Variants in UNKL observed in about 807,000 individuals in gnomAD.
UNKL encodes putative E3 ubiquitin-protein ligase UNKL.
UNKL carries 60 observed loss-of-function variants against 78.0 expected under a neutral mutation model. The ratio of observed to expected loss-of-function variants is 0.77; its 90% CI spans 0.63 to 0.95. The LOEUF is 0.95. Among genes scored for constraint, UNKL ranks in the 40% least tolerant of loss-of-function variants. The pLI is 0.00. For synonymous variants in UNKL, 608 were observed against 474.8 expected (o/e 1.28, Z -3.65); for missense variants, 1,159 against 1,045.7 (o/e 1.11, Z -1.49).
rs1422938584 is a variant in UNKL at position 1,399,084 on chromosome 16, C to A, written c.734+290G>T. The stretch of plus-strand genomic sequence containing the variant: ...GGGGCACACGGGGGTCCCAGCTGGG[C>A]TTGGGGTCCCTCCTGCAGTGCTCCG... On this transcript the variant is annotated intron_variant, in intron 5 of 14. Coordinates refer to ENST00000389221, the MANE Select transcript of UNKL (RefSeq NM_001372107.1). The surrounding 1 kb of genome is among the most constrained non-coding windows in gnomAD (Gnocchi z 5.8). The A allele has an allele frequency of 1.9e-5, 25 of 1,297,574 alleles. No individual in the cohort carries two copies. Among genetic ancestry groups the A allele is most frequent in the Middle Eastern group, 2.7e-4 (1 of 3,666 alleles). 80.4% of individuals were successfully genotyped at this position (1,297,574 alleles called of 1,614,324 possible).
intron 2 of UNKL, among the ~76,000 whole-genome samples, chr16:1,408,287 T>C (rs946654449): frequency 6.6e-6 from 1 of 151,830 alleles, no homozygotes; most frequent in African/African-American, 2.4e-5. Flanking sequence ...CCAGGACGGT[T>C]CCCACGGGGG....
At chr16:1,393,149 C>T (rs2037119516) in intron 7 of UNKL, among the ~76,000 whole-genome samples, 173 bp from the exon 8 acceptor site, 1 of 152,216 alleles carries the variant, frequency 6.6e-6, no homozygotes, top group Non-Finnish European at 1.5e-5. Context: ...GGCAACAGGA[C>T]CCTCTGGTCT....
chr16:1,408,353 T>C (rs144369981), intron 2 of UNKL: 1 of 150,372 alleles, frequency 6.7e-6, no homozygotes, highest in African/African-American at 2.5e-5. Context: ...CGGAGGGGCG[T>C]GTCGCGCGGA....
At position 1,414,648 on chromosome 16, in the gene UNKL, G is replaced by A. The variant is rs776243057; in HGVS notation, c.44C>T (p.Ser15Phe). ...SKAAAAALSGSPPQTEKPTHY... is the reference protein window; with the variant it reads ...SKAAAAALSGFPPQTEKPTHY... ...GGTCGGCTTCTCAGTCTGCGGGGGG[G>A]ACCCGCTCAGCGCCGCTGCCGCCGC... Residue 15 changes from serine (S) to phenylalanine (F), a missense_variant, in exon 1 of 15, where the codon TCC becomes TTC. By Grantham distance (155) the Ser-to-Phe change is radical (BLOSUM62 -2). Transcript: ENST00000389221. 16 of 1,141,456 alleles carry A rather than the reference G, an allele frequency of 1.4e-5. No individual in the cohort carries two copies. Among genetic ancestry groups the A allele is most frequent in the Middle Eastern group, 3.8e-4 (1 of 2,630 alleles). 70.7% of individuals were successfully genotyped at this position (1,141,456 alleles called of 1,614,324 possible).
At chr16:1,377,165 G>A (rs2036298967) in intron 10 of UNKL, among the ~76,000 whole-genome samples, 1 of 152,154 alleles carries the variant, frequency 6.6e-6, no homozygotes, top group Non-Finnish European at 1.5e-5. Flanking sequence ...TGGGACTACA[G>A]GTGCCCTCCA....
In UNKL at chr16:1,413,922, C is replaced by G; in HGVS notation, c.211G>C (p.Gly71Arg). The G allele has an allele frequency of 6.4e-7, 1 of 1,558,260 alleles. No individual in the cohort carries two copies. Among genetic ancestry groups the G allele is most frequent in the Non-Finnish European group, 8.7e-7 (1 of 1,151,186 alleles). ...ACGTCGGGGCTGTAGTTGAAGGTGC[C>G]GTCGCGCCTGCGGAGGGGCCTGCGG... ...RRRRPLRRRD[G>R]TFNYSPDVYC... Residue 71 changes from glycine to arginine, a missense_variant, in exon 2 of 15, where the codon GGC becomes CGC. By Grantham distance (125) the Gly-to-Arg change is moderately radical. Transcript: ENST00000389221.
Position 1,394,114 on chromosome 16 carries a change from C to T in UNKL, c.937+17G>A. On this transcript the variant is annotated intron_variant, in intron 7 of 14. Coordinates refer to ENST00000389221, the MANE Select transcript of UNKL (RefSeq NM_001372107.1). ...GGAACCTGCTAAGGTGAACCTGCCA[C>T]AGGGACGGTTACTCACTCTCAACGT... is the stretch of plus-strand genomic sequence containing the variant. 1 of 1,548,514 alleles carries T rather than the reference C, an allele frequency of 6.5e-7. No individual in the cohort carries two copies. The highest frequency in any genetic ancestry group is 8.7e-7 in the Non-Finnish European group (1 of 1,145,188).
intron 2 of UNKL, among the ~76,000 whole-genome samples, chr16:1,413,523 A>C (rs2038142056): frequency 6.6e-6 from 1 of 152,110 alleles, no homozygotes; most frequent in Non-Finnish European, 1.5e-5. Flanking sequence ...AGCCGAGATC[A>C]TGCCATTGCA....
chr16:1,411,732 G>A (rs1391704493), intron 2 of UNKL, among the ~76,000 whole-genome samples: 2 of 152,244 alleles, frequency 1.3e-5, no homozygotes, highest in African/African-American at 4.8e-5. Context: ...GGCTGAGGCA[G>A]GAGAATCGCT....
intron 10 of UNKL, among the ~76,000 whole-genome samples, chr16:1,377,030 C>T (rs945914051): frequency 3.3e-5 from 5 of 151,850 alleles, no homozygotes; most frequent in African/African-American, 1.2e-4. Flanking sequence ...CCACACCCAG[C>T]CCCCCCAACC....
chr16:1,376,957 G>C (rs2036277941), intron 10 of UNKL, among the ~76,000 whole-genome samples: 1 of 152,076 alleles, frequency 6.6e-6, no homozygotes, highest in Admixed American at 6.6e-5. Flanking sequence ...AGGACCTGCT[G>C]TGTTTCCCTG....
chr16:1,391,355 G>C (rs1171898648), intron 8 of UNKL, among the ~76,000 whole-genome samples: 1 of 152,132 alleles, frequency 6.6e-6, no homozygotes, highest in Non-Finnish European at 1.5e-5. Flanking sequence ...ATCTCGCTCT[G>C]TCTCCCAGGC....
chr16:1,413,923 G>A lies in UNKL; in HGVS notation c.210C>T (p.Asp70=), dbSNP rs140458465. The A allele has an allele frequency of 4.5e-6, 7 of 1,558,050 alleles. No individual in the cohort carries two copies. In the African/African-American group the frequency reaches 9.6e-5, roughly 21 times the overall value. ...CGTCGGGGCTGTAGTTGAAGGTGCC[G>A]TCGCGCCTGCGGAGGGGCCTGCGGC... The part of the protein sequence containing the change: ...QRRRRPLRRR[D]GTFNYSPDVY... Residue 70 remains aspartate, a synonymous_variant, in exon 2 of 15, where the codon GAC becomes GAT. Transcript: ENST00000389221.
At chr16:1,375,934 C>T (rs1346071821) in intron 10 of UNKL, among the ~76,000 whole-genome samples, 1 of 152,232 alleles carries the variant, frequency 6.6e-6, no homozygotes, top group Admixed American at 6.5e-5. Context: ...GGCAAGACCT[C>T]AAAGCCTGAC....
chr16:1,395,586 ATC>A, intron 6 of UNKL: 1 of 429,970 alleles, frequency 2.3e-6, no homozygotes, highest in South Asian at 1.6e-5. Context: ...GCCTGGCTCC[ATC>A]TCAGGCTGCC....
Position 1,365,947 on chromosome 16 carries a change from A to T in UNKL, c.*293T>A, listed in dbSNP as rs2035217084. On this transcript the variant is annotated 3_prime_UTR_variant, in exon 15 of 15. Coordinates refer to ENST00000389221, the MANE Select transcript of UNKL (RefSeq NM_001372107.1). Reference sequence around the variant, plus strand: ...GATCACAGCGCCGCGTGGATCCCGGAGGCACCAGGCCCCTCAGGGACAGGC... The same window carrying T: ...GATCACAGCGCCGCGTGGATCCCGGTGGCACCAGGCCCCTCAGGGACAGGC... 3.4e-6 allele frequency: 1 copy of T among 296,740 alleles called. No individual in the cohort carries two copies. Among genetic ancestry groups the T allele is most frequent in the South Asian group, 9.3e-5 (1 of 10,744 alleles). The allele number at this position is 296,740 out of a possible 1,614,324, so 18.4% of individuals were successfully genotyped here.
intron 12 of UNKL, among the ~76,000 whole-genome samples, chr16:1,369,487 A>G (rs1172800745): frequency 1.3e-5 from 2 of 151,734 alleles, no homozygotes; most frequent in African/African-American, 4.8e-5. Context: ...CTCCTGCCTC[A>G]GCCTCCCCAG....
chr16:1,399,039 CT>C lies in UNKL; in HGVS notation c.734+334del. 7.0e-7 allele frequency: 1 copy of C among 1,434,238 alleles called. No homozygotes were observed. The highest frequency in any genetic ancestry group is 9.2e-7 in the Non-Finnish European group (1 of 1,091,874). The allele number at this position is 1,434,238 out of a possible 1,614,324, so 88.8% of individuals were successfully genotyped here. The stretch of plus-strand genomic sequence containing the variant: ...GCAGCCCACAGGCTGGAGAGCGTGG[CT>C]GCAACCAGAGGCACGGGTGGGGCAC... On this transcript the variant is annotated intron_variant, in intron 5 of 14. Transcript: ENST00000389221. This position sits in a 1 kb window ranked among gnomAD's most constrained non-coding sequence, Gnocchi z 5.8.
chr16:1,401,466 T>G (rs1054360714), intron 4 of UNKL, 102 bp downstream of exon 4: 1 of 1,328,566 alleles, frequency 7.5e-7, no homozygotes, highest in Non-Finnish European at 9.8e-7. Flanking sequence ...TCTGATCACC[T>G]TGCACGTAAA....
Sources: gnomAD v4.1 joint callset for allele counts (sites outside exome capture counted in the v4.1 genomes callset) on GRCh38, gnomAD v4.1.1 for gene constraint, Gnocchi (gnomAD v3.1) non-coding constraint, MANE v1.5 for transcripts, NCBI Gene and HGNC (gene_info 2026-07-23, HGNC 2026-07-21) for gene names.